The following BLOC1S6 variants were observed in gnomAD, a reference collection of about 807,000 sequenced individuals.
BLOC1S6 encodes biogenesis of lysosome-related organelles complex 1 subunit 6.
BLOC1S6 carries 24 observed loss-of-function variants against 24.7 expected under a neutral mutation model. That is an observed-to-expected ratio of 0.97 (90% CI 0.70 to 1.37). BLOC1S6 has a LOEUF of 1.37. Among genes scored for constraint, BLOC1S6 ranks in the 40% most tolerant of loss-of-function variants. BLOC1S6 has a pLI of 0.00. For missense variants in BLOC1S6, 175 were observed against 196.2 expected (o/e 0.89, Z 0.64); for synonymous variants, 76 against 72.6 (o/e 1.05, Z -0.23).
At chr15:45,587,268 G>A (rs1595549476), upstream of BLOC1S6, 1 of 672,466 alleles carries the variant, frequency 1.5e-6, no homozygotes, top group East Asian at 2.7e-5. Context: ...TCCCCACAAC[G>A]CCATGGGGCA....
chr15:45,595,309 A>G (rs1049314003), intron 2 of BLOC1S6, among the ~76,000 whole-genome samples: 1 of 152,186 alleles, frequency 6.6e-6, no homozygotes, highest in African/African-American at 2.4e-5. Context: ...TTATTAGTGT[A>G]AACTCAGGTG....
At chr15:45,589,718 A>G (rs1382715438) in intron 1 of BLOC1S6, among the ~76,000 whole-genome samples, 1 of 152,226 alleles carries the variant, frequency 6.6e-6, no homozygotes, top group East Asian at 1.9e-4. Flanking sequence ...TGAATAGAAT[A>G]AGGACCCTCC....
chr15:45,601,581 T>C (rs928147198), intron 2 of BLOC1S6, among the ~76,000 whole-genome samples: 5 of 152,210 alleles, frequency 3.3e-5, no homozygotes, highest in Admixed American at 2.6e-4. Flanking sequence ...ATCCTTTTAA[T>C]GTCATGGGAT....
chr15:45,602,767 A>G (rs1282484106), intron 2 of BLOC1S6, among the ~76,000 whole-genome samples: 2 of 152,184 alleles, frequency 1.3e-5, no homozygotes, highest in Admixed American at 6.5e-5. Flanking sequence ...TATATAAAAC[A>G]TTGAACTTCT....
At chr15:45,588,023 G>C (rs1291366315) in intron 1 of BLOC1S6, 8 of 518,738 alleles carry the variant, frequency 1.5e-5, no homozygotes, top group Non-Finnish European at 2.7e-5. Flanking sequence ...TGAATGGAAT[G>C]AATTAACTTG....
At chr15:45,587,684 C>T in intron 1 of BLOC1S6, 159 bp downstream of exon 1, 2 of 764,470 alleles carry the variant, frequency 2.6e-6, no homozygotes, top group South Asian at 1.5e-5. Flanking sequence ...CCGCGCCGGC[C>T]CCTCTGCCCA....
intron 1 of BLOC1S6, among the ~76,000 whole-genome samples, chr15:45,591,064 C>G (rs967377270): frequency 3.9e-5 from 6 of 152,018 alleles, no homozygotes; most frequent in Admixed American, 2.6e-4. Context: ...TTTTATTATT[C>G]AAAGGAAAGT....
rs1595562264 is a variant in BLOC1S6, at chr15:45,608,808, G to A, written c.*2294G>A. On this transcript the variant is annotated 3_prime_UTR_variant, in exon 5 of 5. Transcript: ENST00000220531. Reference sequence around the variant, plus strand: ...ATCTATCTAGTGAGTTGTATTATAAGCGATGAAATACTTTAAAAGCTACCC... The same window carrying A: ...ATCTATCTAGTGAGTTGTATTATAAACGATGAAATACTTTAAAAGCTACCC... 6.6e-6 allele frequency: 1 copy of A among 152,202 alleles called. No individual in the cohort carries two copies. The highest frequency in any genetic ancestry group is 1.5e-5 in the Non-Finnish European group (1 of 68,024). 9.4% of individuals were successfully genotyped at this position (152,202 alleles called of 1,614,324 possible). A position where few individuals can be genotyped will look rare whatever the true frequency, so the allele number is the denominator to read the frequency against.
chr15:45,606,235 G>T (rs1020029057), intron 4 of BLOC1S6, among the ~76,000 whole-genome samples, 160 bp from the exon 5 acceptor site: 1 of 152,074 alleles, frequency 6.6e-6, no homozygotes, highest in African/African-American at 2.4e-5. Context: ...AAATTTTTTT[G>T]AATCAAAGGG....
rs373893538 is a variant in BLOC1S6 at position 45,587,397 on chromosome 15, G to C, written c.-47G>C. ...AGTCGTTAGGTGCCGCCTTGCTTCT[G>C]ACGAGCCACACGTTTGCTTCTTCCC... On this transcript the variant is annotated 5_prime_UTR_variant, in exon 1 of 5. Coordinates refer to ENST00000220531, the MANE Select transcript of BLOC1S6 (RefSeq NM_012388.4). 3.9e-6 allele frequency: 6 copies of C among 1,520,026 alleles called. No homozygotes were observed. In the African/African-American group the frequency reaches 8.3e-5, roughly 21 times the overall value. 94.2% of individuals were successfully genotyped at this position (1,520,026 alleles called of 1,614,324 possible).
intron 2 of BLOC1S6, among the ~76,000 whole-genome samples, chr15:45,600,753 G>A (rs1156392426): frequency 6.6e-6 from 1 of 152,144 alleles, no homozygotes; most frequent in Non-Finnish European, 1.5e-5. Flanking sequence ...AGAGATACTG[G>A]TCTATAGTTT....
At chr15:45,595,630 AATTT>A (rs1202888356) in intron 2 of BLOC1S6, among the ~76,000 whole-genome samples, 2 of 151,962 alleles carry the variant, frequency 1.3e-5, no homozygotes, top group African/African-American at 4.8e-5. Flanking sequence ...AATTTTAATA[AATTT>A]ATTTAATAAA....
rs140277463 is a variant in BLOC1S6, at chr15:45,605,192, A to G, written c.313-236A>G. On this transcript the variant is annotated intron_variant, in intron 3 of 4. Transcript: ENST00000220531. ...TATTGTCTATGCCCATCTTAATATA[A>G]ATGTCTATTTTATGTTTAGTAACAC... Among the ~76,000 whole-genome samples, 196 of 152,304 alleles carry G rather than the reference A, an allele frequency of 1.3e-3. 2 individuals are homozygous for G. The highest frequency in any genetic ancestry group is 3.8e-3 in the African/African-American group (156 of 41,570).
At chr15:45,604,044 T>C (rs1209188015) in intron 3 of BLOC1S6, among the ~76,000 whole-genome samples, 1 of 152,298 alleles carries the variant, frequency 6.6e-6, no homozygotes, top group African/African-American at 2.4e-5. Flanking sequence ...CTTGTTTTGC[T>C]ACCTTTATTT....
chr15:45,594,017 G>C (rs999210705), intron 2 of BLOC1S6, among the ~76,000 whole-genome samples: 1 of 152,106 alleles, frequency 6.6e-6, no homozygotes, highest in Non-Finnish European at 1.5e-5. Flanking sequence ...AAAGGAAAAA[G>C]AGAGTATTTC....
chr15:45,602,882 A>T (rs930868201), intron 2 of BLOC1S6, among the ~76,000 whole-genome samples: 5 of 152,258 alleles, frequency 3.3e-5, no homozygotes, highest in African/African-American at 1.2e-4. Context: ...TTTAGTTATT[A>T]GAAATTGAAG....
Position 45,608,304 on chromosome 15 carries a change from T to C in BLOC1S6, c.*1790T>C, listed in dbSNP as rs919705086. The C allele has an allele frequency of 2.6e-5, 4 of 152,400 alleles. No individual in the cohort carries two copies. The highest frequency in any genetic ancestry group is 9.6e-5 in the African/African-American group (4 of 41,472). The allele number at this position is 152,400 out of a possible 1,614,324, so 9.4% of individuals were successfully genotyped here. A position where few individuals can be genotyped will look rare whatever the true frequency, so the allele number is the denominator to read the frequency against. On this transcript the variant is annotated 3_prime_UTR_variant, in exon 5 of 5. Coordinates refer to ENST00000220531, the MANE Select transcript of BLOC1S6 (RefSeq NM_012388.4). ...TAATATTTAAGAATATAAATATATT[T>C]TATTTGAAAGGCTGAGTGTTGCCCT...
chr15:45,609,534 G>A lies in BLOC1S6; in HGVS notation c.*3020G>A, dbSNP rs1049047867. 2 of 152,114 alleles carry A rather than the reference G, an allele frequency of 1.3e-5. No homozygotes were observed. The highest frequency in any genetic ancestry group is 2.9e-5 in the Non-Finnish European group (2 of 68,016). The allele number at this position is 152,114 out of a possible 1,614,324, so 9.4% of individuals were successfully genotyped here. A position where few individuals can be genotyped will look rare whatever the true frequency, so the allele number is the denominator to read the frequency against. On this transcript the variant is annotated 3_prime_UTR_variant, in exon 5 of 5. Transcript: ENST00000220531. ...GAGTTCATTTTGTATTTACTTTGCA[G>A]TAAGTATCATGTAAATATGCAAATG...
intron 1 of BLOC1S6, among the ~76,000 whole-genome samples, chr15:45,589,327 C>T (rs1488995951): frequency 6.6e-6 from 1 of 152,236 alleles, no homozygotes; most frequent in African/African-American, 2.4e-5. Context: ...CTGTGAGAAA[C>T]TCCAGAGTAG....
Sources: gnomAD v4.1 joint callset for allele counts (sites outside exome capture counted in the v4.1 genomes callset) on GRCh38, gnomAD v4.1.1 for gene constraint, MANE v1.5 for transcripts, NCBI Gene and HGNC (gene_info 2026-07-23, HGNC 2026-07-21) for gene names.